Variants in RTN1 observed in about 807,000 individuals in gnomAD.
RTN1 encodes reticulon-1.
RTN1 carries 25 observed loss-of-function variants against 65.5 expected under a neutral mutation model. The ratio of observed to expected loss-of-function variants is 0.38; its 90% CI spans 0.28 to 0.53. The LOEUF is 0.53. RTN1 is among the 20% of genes least tolerant of loss of function. The pLI is 0.79. For synonymous variants in RTN1, 471 were observed against 447.6 expected, an observed-to-expected ratio of 1.05 and a Z score of -0.66; for missense variants, 983 against 1,025.4, an observed-to-expected ratio of 0.96 and a Z score of 0.57.
At chr14:59,824,571 C>T (rs1252978367) in intron 1 of RTN1, among the ~76,000 whole-genome samples, 1 of 152,188 alleles carries the variant, frequency 6.6e-6, no homozygotes, top group East Asian at 1.9e-4. Context: ...CTCTAGAAAT[C>T]TGATTTACAG....
chr14:59,848,337 C>G (rs1057178866), intron 1 of RTN1, among the ~76,000 whole-genome samples: 1 of 152,184 alleles, frequency 6.6e-6, no homozygotes, highest in African/African-American at 2.4e-5. Flanking sequence ...TATATAAATT[C>G]TCAAGATAAT....
At chr14:59,716,697 C>T (rs937897502) in intron 3 of RTN1, among the ~76,000 whole-genome samples, 4 of 151,864 alleles carry the variant, frequency 2.6e-5, no homozygotes, top group Admixed American at 2.0e-4. Context: ...TAGAGGTTGA[C>T]CTGTAATCCC....
chr14:59,794,806 C>A lies in RTN1; in HGVS notation c.242-48325G>T, dbSNP rs1344914732. Among the ~76,000 whole-genome samples the A allele has an allele frequency of 6.6e-6, 1 of 152,090 alleles. No homozygotes were observed. The highest frequency in any genetic ancestry group is 1.5e-5 in the Non-Finnish European group (1 of 68,020). On this transcript the variant is annotated intron_variant, in intron 1 of 8. Coordinates refer to ENST00000267484, the MANE Select transcript of RTN1 (RefSeq NM_021136.3). This position sits in a 1 kb window ranked among gnomAD's most constrained non-coding sequence, Gnocchi z 5.1. ...TCACTTGTAGTCATAGTCTATTGAC[C>A]AGAGGATGGTTATATGGCCATATTT...
chr14:59,751,175 AG>A, intron 1 of RTN1, among the ~76,000 whole-genome samples: 1 of 141,504 alleles, frequency 7.1e-6, no homozygotes, highest in South Asian at 2.4e-4. Context: ...CATCTCAGCT[AG>A]GCTTCTCATT....
chr14:59,603,587 T>C (rs975823276), intron 6 of RTN1, among the ~76,000 whole-genome samples: 43 of 151,720 alleles, frequency 2.8e-4, no homozygotes, highest in African/African-American at 9.4e-4. Context: ...TATATATTGA[T>C]CCAAATATAT....
chr14:59,612,820 A>T (rs997824675), intron 3 of RTN1, among the ~76,000 whole-genome samples: 5 of 152,060 alleles, frequency 3.3e-5, no homozygotes, highest in African/African-American at 1.2e-4. Flanking sequence ...AGTCCTAAAA[A>T]TTTTTCTTGG....
intron 3 of RTN1, among the ~76,000 whole-genome samples, chr14:59,668,117 T>A (rs1396872822): frequency 6.6e-6 from 1 of 152,146 alleles, no homozygotes; most frequent in Non-Finnish European, 1.5e-5. Context: ...AAAGTTCATA[T>A]GGAACCAAAA....
At chr14:59,856,904 T>G (rs1054150520) in intron 1 of RTN1, among the ~76,000 whole-genome samples, 5 of 152,174 alleles carry the variant, frequency 3.3e-5, no homozygotes, top group African/African-American at 1.2e-4. Flanking sequence ...CATAACCCTG[T>G]AAGATAGCCA....
chr14:59,859,524 T>C (rs1887668348), intron 1 of RTN1, among the ~76,000 whole-genome samples: 1 of 152,188 alleles, frequency 6.6e-6, no homozygotes, highest in South Asian at 2.1e-4. Context: ...AGTAAATTGA[T>C]ACCAGTAAAG....
chr14:59,862,784 T>G (rs1460461653), intron 1 of RTN1, among the ~76,000 whole-genome samples: 2 of 152,238 alleles, frequency 1.3e-5, no homozygotes, highest in Non-Finnish European at 2.9e-5. Flanking sequence ...CAAGGGCTAC[T>G]CAGTGTTCCC....
chr14:59,741,234 T>C (rs1417840508), intron 2 of RTN1, among the ~76,000 whole-genome samples: 1 of 152,174 alleles, frequency 6.6e-6, no homozygotes, highest in Non-Finnish European at 1.5e-5. Context: ...CTCAGGGCCT[T>C]TGCACTGGGA....
At chr14:59,760,361 G>T (rs1015804417) in intron 1 of RTN1, among the ~76,000 whole-genome samples, 1 of 152,200 alleles carries the variant, frequency 6.6e-6, no homozygotes, top group Non-Finnish European at 1.5e-5. Flanking sequence ...AACACTGAGA[G>T]AGTATACAAG....
At chr14:59,721,136 A>T (rs1884638364) in intron 3 of RTN1, among the ~76,000 whole-genome samples, 1 of 152,222 alleles carries the variant, frequency 6.6e-6, no homozygotes, top group Non-Finnish European at 1.5e-5. Context: ...TAAATGCTAG[A>T]CAGATGAAAA....
intron 1 of RTN1, among the ~76,000 whole-genome samples, chr14:59,785,514 T>C (rs544938710): frequency 6.6e-6 from 1 of 152,252 alleles, no homozygotes; most frequent in Admixed American, 6.5e-5. Flanking sequence ...CTTTCCCATC[T>C]GTTTGGAAAC....
At chr14:59,619,230 G>T (rs765102802) in intron 3 of RTN1, among the ~76,000 whole-genome samples, 2 of 152,182 alleles carry the variant, frequency 1.3e-5, no homozygotes, top group Non-Finnish European at 2.9e-5. Context: ...TGAGTAATTA[G>T]TATCACTGCC....
intron 3 of RTN1, among the ~76,000 whole-genome samples, chr14:59,614,107 G>C (rs964209427): frequency 6.6e-6 from 1 of 152,174 alleles, no homozygotes; most frequent in Non-Finnish European, 1.5e-5. Flanking sequence ...ACTCCCAGGA[G>C]AGATGGGCTG....
At chr14:59,751,102 C>T (rs1885510833) in intron 1 of RTN1, among the ~76,000 whole-genome samples, 1 of 151,062 alleles carries the variant, frequency 6.6e-6, no homozygotes, top group Non-Finnish European at 1.5e-5. Flanking sequence ...CCCCAAATTG[C>T]TAACGATACT....
At chr14:59,624,126 G>A (rs1882328555) in intron 3 of RTN1, among the ~76,000 whole-genome samples, 1 of 152,032 alleles carries the variant, frequency 6.6e-6, no homozygotes, top group South Asian at 2.1e-4. Flanking sequence ...TTTTCCTTTG[G>A]CAACATATAA....
At chr14:59,742,711 T>C (rs1159452649) in intron 2 of RTN1, among the ~76,000 whole-genome samples, 2 of 152,228 alleles carry the variant, frequency 1.3e-5, no homozygotes, top group Admixed American at 6.5e-5. Context: ...CTTAACATGC[T>C]TTCTTTTTCC....
Sources: gnomAD v4.1 joint callset for allele counts (sites outside exome capture counted in the v4.1 genomes callset) on GRCh38, gnomAD v4.1.1 for gene constraint, Gnocchi (gnomAD v3.1) non-coding constraint, MANE v1.5 for transcripts, NCBI Gene and HGNC (gene_info 2026-07-23, HGNC 2026-07-21) for gene names.